The following CADM2 variants were observed in gnomAD, a reference collection of about 807,000 sequenced individuals.
CADM2 encodes the protein cell adhesion molecule 2.
A neutral mutation model predicts 49.8 loss-of-function variants in CADM2; 12 were observed. The ratio of observed to expected loss-of-function variants is 0.24; its 90% CI spans 0.15 to 0.39. CADM2 has a LOEUF of 0.39. CADM2 is among the 10% of genes least tolerant of loss of function. The pLI, the probability that CADM2 is intolerant of heterozygous loss-of-function variation, is 1.00. For synonymous variants in CADM2, 214 were observed against 175.4 expected (o/e 1.22, Z -1.74); for missense variants, 378 against 492.3 (o/e 0.77, Z 2.20).
intron 1 of CADM2, among the ~76,000 whole-genome samples, chr3:85,472,588 T>C (rs1034627673): frequency 1.3e-5 from 2 of 152,050 alleles, no homozygotes; most frequent in African/African-American, 4.8e-5. Flanking sequence ...AGATGATAAA[T>C]TTCAGCAATA....
chr3:85,991,230 A>G (rs1197097595), intron 8 of CADM2, among the ~76,000 whole-genome samples: 1 of 152,154 alleles, frequency 6.6e-6, no homozygotes, highest in Non-Finnish European at 1.5e-5. Flanking sequence ...CTACTGTATA[A>G]TCACTTGGGT....
At chr3:86,019,669 GCTCT>G (rs1179261535) in intron 8 of CADM2, among the ~76,000 whole-genome samples, 1 of 151,904 alleles carries the variant, frequency 6.6e-6, no homozygotes, top group Non-Finnish European at 1.5e-5. Flanking sequence ...TCATGATTTG[GCTCT>G]CTGTTTGTCT....
intron 1 of CADM2, among the ~76,000 whole-genome samples, chr3:85,326,479 A>G (rs953773866): frequency 6.6e-6 from 1 of 152,040 alleles, no homozygotes; most frequent in Non-Finnish European, 1.5e-5. Flanking sequence ...AAATAACACT[A>G]TTTTTTTCCA....
chr3:85,431,281 A>AT (rs1026907378), intron 1 of CADM2, among the ~76,000 whole-genome samples: 1 of 152,132 alleles, frequency 6.6e-6, no homozygotes, highest in African/African-American at 2.4e-5. Context: ...CTAACAATAC[A>AT]TTTTTGAGAA....
chr3:85,897,321 C>T (rs1715368089), intron 5 of CADM2, among the ~76,000 whole-genome samples: 1 of 120,964 alleles, frequency 8.3e-6, no homozygotes, highest in Non-Finnish European at 1.6e-5. Context: ...GGACTGCGGA[C>T]TGCAGTGGCG....
intron 1 of CADM2, among the ~76,000 whole-genome samples, chr3:85,498,171 G>GTTT (rs61505551): frequency 1.6e-4 from 22 of 134,606 alleles, no homozygotes; most frequent in African/African-American, 3.9e-4. Context: ...TTGTTGCCAA[G>GTTT]TTTTTTTTTT....
At chr3:85,265,296 A>C (rs1321021780) in intron 1 of CADM2, among the ~76,000 whole-genome samples, 1 of 150,692 alleles carries the variant, frequency 6.6e-6, no homozygotes. Flanking sequence ...ACTATCAAGG[A>C]ATATTTTTTT....
chr3:85,024,617 C>G (rs2034645246), intron 1 of CADM2, among the ~76,000 whole-genome samples: 1 of 150,700 alleles, frequency 6.6e-6, no homozygotes. Context: ...TGAGATGTTA[C>G]TATGATATCG....
At chr3:86,005,497 G>A (rs955451989) in intron 8 of CADM2, among the ~76,000 whole-genome samples, 19 of 148,186 alleles carry the variant, frequency 1.3e-4, no homozygotes, top group African/African-American at 4.0e-4. Context: ...ATTGCCGTGA[G>A]CCGAGATCAC....
At chr3:85,765,179 C>T (rs2069596303) in intron 2 of CADM2, among the ~76,000 whole-genome samples, 1 of 152,072 alleles carries the variant, frequency 6.6e-6, no homozygotes, top group South Asian at 2.1e-4. Context: ...AATGTCTTCT[C>T]AGCCTTACAG....
At chr3:85,320,403 ATTG>A (rs1386152752) in intron 1 of CADM2, among the ~76,000 whole-genome samples, 1 of 152,154 alleles carries the variant, frequency 6.6e-6, no homozygotes, top group African/African-American at 2.4e-5. Flanking sequence ...TTTAAAACTG[ATTG>A]GCATCTCATA....
At chr3:85,323,514 A>G (rs576361566) in intron 1 of CADM2, among the ~76,000 whole-genome samples, 14 of 152,222 alleles carry the variant, frequency 9.2e-5, no homozygotes, top group Admixed American at 3.9e-4. Flanking sequence ...CAAATCACTT[A>G]TGACCTATGC....
intron 1 of CADM2, among the ~76,000 whole-genome samples, chr3:85,375,156 G>T (rs887276837): frequency 1.3e-5 from 2 of 152,168 alleles, no homozygotes; most frequent in African/African-American, 2.4e-5. Context: ...GAAGATTTGG[G>T]CATCTGCAAG....
At chr3:85,080,600 T>G (rs749148252) in intron 1 of CADM2, among the ~76,000 whole-genome samples, 2 of 152,058 alleles carry the variant, frequency 1.3e-5, no homozygotes, top group Non-Finnish European at 2.9e-5. Context: ...GGATATAATA[T>G]AAATATTTTG....
intron 8 of CADM2, among the ~76,000 whole-genome samples, chr3:86,064,269 T>C (rs565588921): frequency 4.7e-4 from 71 of 152,132 alleles, no homozygotes; most frequent in Non-Finnish European, 8.5e-4. Flanking sequence ...AGTGTTCTCA[T>C]TGTTCATTCC....
chr3:85,134,267 G>A (rs1205653040), intron 1 of CADM2, among the ~76,000 whole-genome samples: 2 of 152,200 alleles, frequency 1.3e-5, no homozygotes, highest in African/African-American at 4.8e-5. Context: ...TGCAAGCTGA[G>A]GGAGCCGGCT....
At chr3:85,433,608 C>T (rs1223813085) in intron 1 of CADM2, among the ~76,000 whole-genome samples, 2 of 152,066 alleles carry the variant, frequency 1.3e-5, no homozygotes, top group African/African-American at 4.8e-5. Flanking sequence ...ATGGGTTATG[C>T]TGAGAGAAAG....
chr3:85,667,618 A>T (rs189586370), intron 1 of CADM2, among the ~76,000 whole-genome samples: 1 of 152,166 alleles, frequency 6.6e-6, no homozygotes, highest in East Asian at 1.9e-4. Flanking sequence ...CCAAATCCAG[A>T]TGTCTCTCTG....
intron 1 of CADM2, among the ~76,000 whole-genome samples, chr3:85,247,180 A>G (rs1348997389): frequency 6.6e-6 from 1 of 152,128 alleles, no homozygotes; most frequent in Admixed American, 6.5e-5. Context: ...GGCATAGTGT[A>G]GAACATTAAA....
Sources: allele counts gnomAD v4.1 joint callset (sites outside exome capture counted in the v4.1 genomes callset), GRCh38; gene constraint gnomAD v4.1.1; transcripts MANE v1.5; gene names NCBI Gene and HGNC (gene_info 2026-07-23, HGNC 2026-07-21).